Variants in CACNA2D3 observed in about 807,000 individuals in gnomAD.
CACNA2D3 encodes the protein voltage-dependent calcium channel subunit alpha-2/delta-3.
A neutral mutation model predicts 160.6 loss-of-function variants in CACNA2D3; 60 were observed. The observed-to-expected ratio is 0.37, with a 90% CI of 0.30 to 0.46. The LOEUF (loss-of-function observed/expected upper bound fraction) is 0.46, where lower values mean the gene tolerates loss of function less well. Ranked by LOEUF, CACNA2D3 falls within the 20% of genes least tolerant of loss-of-function variation. The pLI, the probability that CACNA2D3 is intolerant of heterozygous loss-of-function variation, is 1.00. For missense variants in CACNA2D3, 1,205 were observed against 1,365.0 expected (o/e 0.88, Z 1.85); for synonymous variants, 558 against 492.9 (o/e 1.13, Z -1.75).
intron 11 of CACNA2D3, among the ~76,000 whole-genome samples, chr3:54,661,824 C>G (rs1267592911): frequency 2.0e-5 from 3 of 150,558 alleles, no homozygotes; most frequent in African/African-American, 7.4e-5. Context: ...ATGGTTCACA[C>G]AGACATCTCA....
intron 2 of CACNA2D3, among the ~76,000 whole-genome samples, chr3:54,317,872 C>T (rs1224530847): frequency 6.6e-6 from 1 of 152,160 alleles, no homozygotes; most frequent in Non-Finnish European, 1.5e-5. Context: ...GCAGTTTCTC[C>T]ATAACTTACC....
intron 5 of CACNA2D3, among the ~76,000 whole-genome samples, chr3:54,510,424 G>A (rs1701442113): frequency 6.6e-6 from 1 of 152,186 alleles, no homozygotes; most frequent in Non-Finnish European, 1.5e-5. Flanking sequence ...CTCTGTTCTA[G>A]AGTCAGGTCC....
chr3:54,325,123 A>C (rs1276810862), intron 3 of CACNA2D3, among the ~76,000 whole-genome samples: 2 of 152,192 alleles, frequency 1.3e-5, no homozygotes, highest in South Asian at 4.1e-4. Flanking sequence ...CAAACTATCA[A>C]TCAACTGCAA....
rs73843724 is a variant in CACNA2D3 at position 54,859,769 on chromosome 3, A to T, written c.1627-11770A>T. Among the ~76,000 whole-genome samples the T allele has an allele frequency of 6.5e-3, 993 of 152,166 alleles. 14 individuals carry two copies. The highest frequency in any genetic ancestry group is 0.023 in the African/African-American group (952 of 41,494). On this transcript the variant is annotated intron_variant, in intron 17 of 37. Coordinates refer to ENST00000474759, the MANE Select transcript of CACNA2D3 (RefSeq NM_018398.3). ...TCAGGTCTTAAATTCCATGCTTTTGATGCCTGTCTCTTCCTGGAAGGGCAA... is the reference window on the plus strand; with the variant it reads ...TCAGGTCTTAAATTCCATGCTTTTGTTGCCTGTCTCTTCCTGGAAGGGCAA...
chr3:54,150,602 A>G (rs1229960688), intron 2 of CACNA2D3, among the ~76,000 whole-genome samples: 2 of 152,248 alleles, frequency 1.3e-5, no homozygotes, highest in African/African-American at 2.4e-5. Context: ...AATAAATGGT[A>G]ATGTCATTAT....
chr3:54,882,298 T>C (rs1699817141), intron 21 of CACNA2D3, among the ~76,000 whole-genome samples: 1 of 152,158 alleles, frequency 6.6e-6, no homozygotes, highest in Non-Finnish European at 1.5e-5. Flanking sequence ...GAGAGGTTAT[T>C]AAGAGATATT....
intron 3 of CACNA2D3, among the ~76,000 whole-genome samples, chr3:54,379,907 G>A (rs143376150): frequency 7.6e-4 from 116 of 151,962 alleles, no homozygotes; most frequent in African/African-American, 2.7e-3. Flanking sequence ...ACCATCTTAC[G>A]TTTTTTTCAT....
At chr3:54,870,588 C>T (rs974412590) in intron 17 of CACNA2D3, among the ~76,000 whole-genome samples, 8 of 152,142 alleles carry the variant, frequency 5.3e-5, no homozygotes, top group Non-Finnish European at 7.3e-5. Context: ...ACAAGAATGT[C>T]CAGACACAAG....
intron 11 of CACNA2D3, among the ~76,000 whole-genome samples, chr3:54,675,003 T>C (rs1370884431): frequency 6.6e-6 from 1 of 152,082 alleles, no homozygotes; most frequent in African/African-American, 2.4e-5. Context: ...TGCTGAAGTA[T>C]TCATGAGTGA....
chr3:54,827,078 G>A (rs1276765202), intron 14 of CACNA2D3, among the ~76,000 whole-genome samples: 2 of 152,148 alleles, frequency 1.3e-5, no homozygotes, highest in Non-Finnish European at 2.9e-5. Flanking sequence ...ACTCCTGAGG[G>A]CCAAACATGG....
chr3:54,685,157 C>T (rs980976151), intron 11 of CACNA2D3, among the ~76,000 whole-genome samples: 1 of 152,168 alleles, frequency 6.6e-6, no homozygotes, highest in Non-Finnish European at 1.5e-5. Context: ...GAGGGATGGA[C>T]TTCCTGAGGC....
At chr3:54,546,854 T>G (rs1201833973) in intron 5 of CACNA2D3, among the ~76,000 whole-genome samples, 2 of 152,188 alleles carry the variant, frequency 1.3e-5, no homozygotes, top group Non-Finnish European at 2.9e-5. Context: ...ATTAAAAGAC[T>G]CCCATTTCTT....
At chr3:54,919,191 G>A (rs1435350920) in intron 27 of CACNA2D3, among the ~76,000 whole-genome samples, 1 of 152,214 alleles carries the variant, frequency 6.6e-6, no homozygotes, top group African/African-American at 2.4e-5. Flanking sequence ...TGACAAGAAG[G>A]CACGCTGGGG....
intron 12 of CACNA2D3, among the ~76,000 whole-genome samples, chr3:54,755,790 A>G (rs1274650464): frequency 1.3e-5 from 2 of 152,146 alleles, no homozygotes; most frequent in Non-Finnish European, 2.9e-5. Flanking sequence ...GTGGTCTTGA[A>G]AAAAAGAGTT....
At chr3:55,048,110 T>C (rs1704103214) in intron 35 of CACNA2D3, among the ~76,000 whole-genome samples, 1 of 98,236 alleles carries the variant, frequency 1.0e-5, no homozygotes, top group African/African-American at 4.2e-5. Context: ...CCTGCCTAAT[T>C]GCCCTGGCCA....
chr3:54,478,630 T>TC (rs1700871023), intron 4 of CACNA2D3, among the ~76,000 whole-genome samples: 1 of 14,838 alleles, frequency 6.7e-5, no homozygotes, highest in Non-Finnish European at 2.0e-4. Flanking sequence ...AGACTCTGTC[T>TC]CAAAAAAATA....
chr3:54,786,062 T>A (rs1042426129), intron 13 of CACNA2D3, among the ~76,000 whole-genome samples: 12 of 152,186 alleles, frequency 7.9e-5, no homozygotes, highest in African/African-American at 2.9e-4. Context: ...ACCTAATCTT[T>A]ATGTTTCAAG....
chr3:54,722,931 G>C (rs1701197618), intron 11 of CACNA2D3, among the ~76,000 whole-genome samples: 1 of 152,192 alleles, frequency 6.6e-6, no homozygotes, highest in Admixed American at 6.5e-5. Flanking sequence ...CGTACTGGGA[G>C]GTCTGCTGCT....
intron 11 of CACNA2D3, among the ~76,000 whole-genome samples, chr3:54,705,034 C>T (rs112156094): frequency 6.6e-6 from 1 of 152,064 alleles, no homozygotes; most frequent in African/African-American, 2.4e-5. Flanking sequence ...GTAGCTGGCC[C>T]AGCCCCTGCA....
Sources: gnomAD v4.1 joint callset for allele counts (sites outside exome capture counted in the v4.1 genomes callset) on GRCh38, gnomAD v4.1.1 for gene constraint, MANE v1.5 for transcripts, NCBI Gene and HGNC (gene_info 2026-07-23, HGNC 2026-07-21) for gene names.